TBX19: variants seen among roughly 807,000 people sequenced by gnomAD.
TBX19 encodes T-box transcription factor TBX19.
In TBX19, 33 loss-of-function variants were observed where a neutral mutation model predicts 40.9. That is an observed-to-expected ratio of 0.81 (90% CI 0.61 to 1.08). The LOEUF is 1.08. Ranked by LOEUF, TBX19 falls within the 50% of genes least tolerant of loss-of-function variation. TBX19 has a pLI of 0.00. For missense variants in TBX19, 494 were observed against 574.0 expected (o/e 0.86, Z 1.42); for synonymous variants, 220 against 225.0 (o/e 0.98, Z 0.20).
intron 4 of TBX19, 104 bp from the exon 5 acceptor site, chr1:168,300,318 A>G: frequency 9.4e-7 from 1 of 1,062,864 alleles, no homozygotes; most frequent in Non-Finnish European, 1.4e-6. Flanking sequence ...TGGTTTTCTT[A>G]TTCTAAGAAA....
intron 6 of TBX19, chr1:168,308,366 G>GCACT (rs1394918011): frequency 1.3e-5 from 4 of 305,328 alleles, no homozygotes; most frequent in Non-Finnish European, 1.9e-5. Context: ...CTCATCTGGG[G>GCACT]CACTGGTGGC....
intron 5 of TBX19, among the ~76,000 whole-genome samples, chr1:168,301,615 T>A (rs190900455): frequency 3.3e-5 from 5 of 152,300 alleles, no homozygotes; most frequent in African/African-American, 9.6e-5. Context: ...TGAGGCAACA[T>A]TAATATAAGT....
chr1:168,304,957 G>C (rs1649363322), intron 5 of TBX19, 51 bp from the exon 6 acceptor site: 1 of 1,579,068 alleles, frequency 6.3e-7, no homozygotes, highest in African/African-American at 1.3e-5. Flanking sequence ...CTGATTTTTG[G>C]TGTGGGAGTT....
rs1203360249 is a variant in TBX19 at position 168,314,080 on chromosome 1, C to T, written c.*1078C>T. 6.6e-6 allele frequency: 1 copy of T among 152,522 alleles called. No individual in the cohort carries two copies. Among genetic ancestry groups the T allele is most frequent in the African/African-American group, 2.4e-5 (1 of 41,428 alleles). 9.4% of individuals were successfully genotyped at this position (152,522 alleles called of 1,614,324 possible). A position where few individuals can be genotyped will look rare whatever the true frequency, so the allele number is the denominator to read the frequency against. On this transcript the variant is annotated 3_prime_UTR_variant, in exon 8 of 8. Coordinates refer to ENST00000367821, the MANE Select transcript of TBX19 (RefSeq NM_005149.3). ...TCTCTGAACATTCATTGCACTTTCC[C>T]ACCTCTATACCTTGCCTGTGCCTTA...
At chr1:168,298,746 CTTCCCTTCCCTTCCA>C (rs1270086919) in intron 4 of TBX19, among the ~76,000 whole-genome samples, 5 of 141,714 alleles carry the variant, frequency 3.5e-5, no homozygotes, top group Admixed American at 1.4e-4. Context: ...AGCTTTCCTT[CTTCCCTTCCCTTCCA>C]TTCCCTTCCC....
chr1:168,304,428 C>G (rs1649351302), intron 5 of TBX19, among the ~76,000 whole-genome samples: 1 of 151,948 alleles, frequency 6.6e-6, no homozygotes, highest in Non-Finnish European at 1.5e-5. Context: ...TCAGATATGC[C>G]AAAAACCTGA....
At chr1:168,290,803 G>A (rs911879350) in intron 1 of TBX19, among the ~76,000 whole-genome samples, 3 of 152,040 alleles carry the variant, frequency 2.0e-5, no homozygotes, top group Non-Finnish European at 4.4e-5. Context: ...AGTGTTCTTT[G>A]TGAGGTTGGG....
intron 5 of TBX19, among the ~76,000 whole-genome samples, chr1:168,302,915 G>A (rs934168404): frequency 6.6e-6 from 1 of 152,042 alleles, no homozygotes; most frequent in Non-Finnish European, 1.5e-5. Flanking sequence ...GGTAGCTGAA[G>A]GTCCATGAGT....
At chr1:168,282,833 G>A (rs556399415) in intron 1 of TBX19, among the ~76,000 whole-genome samples, 2 of 152,276 alleles carry the variant, frequency 1.3e-5, no homozygotes, top group East Asian at 3.9e-4. Flanking sequence ...TGATTGGGCT[G>A]TCAAATTGGC....
intron 3 of TBX19, among the ~76,000 whole-genome samples, chr1:168,295,311 G>T (rs1649077207): frequency 6.6e-6 from 1 of 152,052 alleles, no homozygotes; most frequent in Admixed American, 6.6e-5. Flanking sequence ...AAAAGATCTT[G>T]TTGTTGCTTC....
intron 2 of TBX19, among the ~76,000 whole-genome samples, chr1:168,292,863 C>CA (rs751123603): frequency 0.071 from 2,113 of 29,652 alleles, 45 homozygotes; most frequent in Non-Finnish European, 0.089. Context: ...GACTCCGTCT[C>CA]AAAAAAAAAA....
intron 3 of TBX19, among the ~76,000 whole-genome samples, chr1:168,295,535 G>C (rs969244724): frequency 2.0e-5 from 3 of 152,226 alleles, no homozygotes; most frequent in African/African-American, 7.2e-5. Flanking sequence ...CAGAGAAAAT[G>C]TCATTTCTAT....
At chr1:168,287,485 G>T (rs2102351648) in intron 1 of TBX19, among the ~76,000 whole-genome samples, 1 of 151,976 alleles carries the variant, frequency 6.6e-6, no homozygotes, top group Admixed American at 6.6e-5. Flanking sequence ...TTTTAATAGA[G>T]ATGGGGTCTC....
intron 6 of TBX19, among the ~76,000 whole-genome samples, chr1:168,305,838 G>T (rs1188518209): frequency 6.6e-6 from 1 of 152,134 alleles, no homozygotes; most frequent in Non-Finnish European, 1.5e-5. Context: ...TAGATTTGTA[G>T]AAAGAAGGGA....
rs1648926370 is a variant in TBX19, at chr1:168,291,055, C to T, written c.204-105C>T. The T allele has an allele frequency of 3.3e-6, 5 of 1,516,866 alleles. No individual in the cohort carries two copies. In the Admixed American group the frequency reaches 5.0e-5, roughly 15 times the overall value. 94.0% of individuals were successfully genotyped at this position (1,516,866 alleles called of 1,614,324 possible). On this transcript the variant is annotated intron_variant, in intron 1 of 7. Transcript: ENST00000367821. ...ACTTGGGCCCTGTTTATTTGGCCTC[C>T]TCACAGGGCATTCCGTGGAAGGTCT... is the stretch of plus-strand genomic sequence containing the variant.
chr1:168,311,640 A>G (rs1433472269), intron 7 of TBX19, among the ~76,000 whole-genome samples: 1 of 152,226 alleles, frequency 6.6e-6, no homozygotes, highest in African/African-American at 2.4e-5. Context: ...TGTTAGAAAC[A>G]AAACAAAACA....
chr1:168,296,175 G>T (rs1649100693), intron 3 of TBX19, among the ~76,000 whole-genome samples: 1 of 152,098 alleles, frequency 6.6e-6, no homozygotes, highest in Non-Finnish European at 1.5e-5. Flanking sequence ...CTAGCTTCTT[G>T]TATGCTTTTC....
At position 168,281,324 on chromosome 1, in the gene TBX19, GCA is replaced by G. The variant is rs754063262; in HGVS notation, c.203+32_203+33del. On this transcript the variant is annotated intron_variant, in intron 1 of 7. Coordinates refer to ENST00000367821, the MANE Select transcript of TBX19 (RefSeq NM_005149.3). ...TTTATCTGCCGCCCCGCGTGGGCTG[GCA>G]GGGCTTGGCAGGAGAGATGAGACCC... The G allele has an allele frequency of 2.5e-6, 4 of 1,601,080 alleles. No homozygotes were observed. The African/African-American group carries it at 5.4e-5, about 21-fold the overall frequency.
At chr1:168,312,654 C>T in intron 7 of TBX19, 54 bp from the exon 8 acceptor site, 1 of 1,594,704 alleles carries the variant, frequency 6.3e-7, no homozygotes, top group Non-Finnish European at 8.5e-7. Context: ...AGGTGGCACT[C>T]CTTCCTTGGA....
Sources: gnomAD v4.1 joint callset for allele counts (sites outside exome capture counted in the v4.1 genomes callset) on GRCh38, gnomAD v4.1.1 for gene constraint, MANE v1.5 for transcripts, NCBI Gene and HGNC (gene_info 2026-07-23, HGNC 2026-07-21) for gene names.